Variants in SBF2 observed in about 807,000 individuals in gnomAD.
The protein encoded by SBF2 is myotubularin-related protein 13.
In SBF2, 112 loss-of-function variants were observed where a neutral mutation model predicts 225.2. The observed-to-expected ratio is 0.50, with a 90% CI of 0.43 to 0.58. The LOEUF is 0.58. SBF2 is among the 20% of genes least tolerant of loss of function. The probability of loss-of-function intolerance (pLI) is 0.00; values close to 1 mark genes in which losing one functional copy is unlikely to be tolerated. For missense variants in SBF2, 1,996 were observed against 2,206.2 expected, an observed-to-expected ratio of 0.90 and a Z score of 1.91; for synonymous variants, 763 against 773.3, an observed-to-expected ratio of 0.99 and a Z score of 0.22.
At chr11:10,115,813 A>G (rs1353199508) in intron 2 of SBF2, among the ~76,000 whole-genome samples, 1 of 152,202 alleles carries the variant, frequency 6.6e-6, no homozygotes, top group Non-Finnish European at 1.5e-5. Flanking sequence ...AAACTTTCTG[A>G]TGATCAGGTA....
At chr11:10,152,636 G>A (rs1192739777) in intron 2 of SBF2, among the ~76,000 whole-genome samples, 2 of 152,094 alleles carry the variant, frequency 1.3e-5, no homozygotes, top group African/African-American at 2.4e-5. Context: ...AATGCCTACT[G>A]TATTTCAGGT....
chr11:9,873,931 C>T (rs960400680), intron 17 of SBF2, among the ~76,000 whole-genome samples: 9 of 152,082 alleles, frequency 5.9e-5, no homozygotes, highest in Admixed American at 5.9e-4. Flanking sequence ...CGCATGTAAT[C>T]TCAGCTACTC....
chr11:10,229,736 T>C (rs1197754893), intron 1 of SBF2, among the ~76,000 whole-genome samples: 1 of 152,206 alleles, frequency 6.6e-6, no homozygotes, highest in Non-Finnish European at 1.5e-5. Flanking sequence ...CTTCCAACTA[T>C]GTGGTCAATT....
At position 9,935,130 on chromosome 11, in the gene SBF2, G is replaced by A. The variant is rs557767498; in HGVS notation, c.1860+26827C>T. Reference sequence around the variant, plus strand: ...GTGTCTCAGGATACAAAATCGATGCGCAAAAATCACAAGCATTCTTACACC... The same window carrying A: ...GTGTCTCAGGATACAAAATCGATGCACAAAAATCACAAGCATTCTTACACC... On this transcript the variant is annotated intron_variant, in intron 16 of 39. Coordinates refer to ENST00000256190, the MANE Select transcript of SBF2 (RefSeq NM_030962.4). Among the ~76,000 whole-genome samples the A allele has an allele frequency of 1.3e-4, 20 of 152,230 alleles. No homozygotes were observed. The South Asian group carries it at 2.9e-3, about 22-fold the overall frequency.
At chr11:10,176,713 A>G (rs1159020230) in intron 2 of SBF2, among the ~76,000 whole-genome samples, 3 of 152,178 alleles carry the variant, frequency 2.0e-5, no homozygotes, top group Admixed American at 2.0e-4. Context: ...CTTACCAACC[A>G]AAAAGAGTCC....
chr11:9,890,964 T>C (rs1237120561), intron 17 of SBF2, among the ~76,000 whole-genome samples: 1 of 151,986 alleles, frequency 6.6e-6, no homozygotes, highest in Non-Finnish European at 1.5e-5. Context: ...TGAATCCCCA[T>C]CTCTACGGTA....
intron 2 of SBF2, among the ~76,000 whole-genome samples, chr11:10,098,740 A>T (rs972482810): frequency 1.5e-4 from 22 of 151,594 alleles, no homozygotes; most frequent in African/African-American, 5.1e-4. Flanking sequence ...GAGCTGAAGA[A>T]CACCATAAAT....
At chr11:10,168,023 AAAAAAC>A (rs1353248842) in intron 2 of SBF2, among the ~76,000 whole-genome samples, 4 of 152,230 alleles carry the variant, frequency 2.6e-5, no homozygotes, top group African/African-American at 4.8e-5. Context: ...GTCTCAAAAC[AAAAAAC>A]AAAAACAAAG....
chr11:9,840,757 T>C (rs1482959688), intron 25 of SBF2, among the ~76,000 whole-genome samples: 1 of 152,176 alleles, frequency 6.6e-6, no homozygotes, highest in Non-Finnish European at 1.5e-5. Context: ...CTCAGAGAGG[T>C]ATAAAGGAGT....
At chr11:9,979,967 T>C (rs1946870555) in intron 13 of SBF2, among the ~76,000 whole-genome samples, 2 of 151,568 alleles carry the variant, frequency 1.3e-5, no homozygotes, top group African/African-American at 2.4e-5. Context: ...GGACTATAGG[T>C]GTCCATCACC....
At chr11:10,194,585 A>G (rs1381159200) in intron 1 of SBF2, among the ~76,000 whole-genome samples, 1 of 152,140 alleles carries the variant, frequency 6.6e-6, no homozygotes, top group Non-Finnish European at 1.5e-5. Context: ...ATCTTGGTTC[A>G]CTGAAACCTC....
intron 27 of SBF2, among the ~76,000 whole-genome samples, chr11:9,831,869 T>C (rs978326864): frequency 1.3e-5 from 2 of 152,214 alleles, no homozygotes; most frequent in South Asian, 2.1e-4. Flanking sequence ...AGCTGTTAAA[T>C]GTATTTGGAT....
chr11:9,948,081 A>G (rs1865665279), intron 16 of SBF2, among the ~76,000 whole-genome samples: 1 of 152,072 alleles, frequency 6.6e-6, no homozygotes, highest in African/African-American at 2.4e-5. Flanking sequence ...TGGTATATAC[A>G]TACAATGGAA....
At chr11:10,038,936 A>C (rs1222193451) in intron 3 of SBF2, among the ~76,000 whole-genome samples, 1 of 151,922 alleles carries the variant, frequency 6.6e-6, no homozygotes, top group Non-Finnish European at 1.5e-5. Context: ...AAGTAATAAA[A>C]GTCAATGTAA....
intron 33 of SBF2, among the ~76,000 whole-genome samples, chr11:9,792,018 CAGCT>C (rs1287274478): frequency 1.1e-4 from 16 of 152,212 alleles, no homozygotes; most frequent in African/African-American, 3.6e-4. Flanking sequence ...CCAAATCAGA[CAGCT>C]AGTGCCAAAT....
chr11:10,080,358 C>G (rs1951318652), intron 2 of SBF2, among the ~76,000 whole-genome samples: 1 of 150,808 alleles, frequency 6.6e-6, no homozygotes, highest in East Asian at 1.9e-4. Context: ...GAATTCATCA[C>G]CACTAGACCG....
chr11:9,824,488 C>T (rs1854952947), intron 28 of SBF2, among the ~76,000 whole-genome samples: 2 of 150,404 alleles, frequency 1.3e-5, no homozygotes, highest in Admixed American at 1.3e-4. Context: ...ACCAGGGAGT[C>T]TGAGGTTGCA....
chr11:9,877,000 A>C (rs1034423484), intron 17 of SBF2, among the ~76,000 whole-genome samples: 1 of 152,126 alleles, frequency 6.6e-6, no homozygotes, highest in African/African-American at 2.4e-5. Context: ...CGGCCTCCCA[A>C]AGTGTTGGGA....
intron 17 of SBF2, among the ~76,000 whole-genome samples, chr11:9,891,942 T>C (rs1476241403): frequency 6.6e-6 from 1 of 152,208 alleles, no homozygotes; most frequent in Non-Finnish European, 1.5e-5. Context: ...CATATGAGAA[T>C]AGTAGGTACA....
Sources: allele counts gnomAD v4.1 joint callset (sites outside exome capture counted in the v4.1 genomes callset), GRCh38; gene constraint gnomAD v4.1.1; transcripts MANE v1.5; gene names NCBI Gene and HGNC (gene_info 2026-07-23, HGNC 2026-07-21).